Variants in GAS2L3 observed in about 807,000 individuals in gnomAD.
GAS2L3 encodes growth arrest specific 2 like 3, also known as GAS2-like protein 3.
Under a neutral mutation model 37.0 loss-of-function variants are expected in GAS2L3, and 28 were observed. The observed-to-expected ratio is 0.76, with a 90% CI of 0.56 to 1.04. The LOEUF is 1.04. Ranked by LOEUF, GAS2L3 falls within the 50% of genes least tolerant of loss-of-function variation. GAS2L3 has a pLI of 0.00. For missense variants in GAS2L3, 793 were observed against 817.6 expected (o/e 0.97, Z 0.37); for synonymous variants, 290 against 296.6 (o/e 0.98, Z 0.23).
intron 6 of GAS2L3, among the ~76,000 whole-genome samples, chr12:100,614,860 A>G (rs1956167890): frequency 6.6e-6 from 1 of 152,158 alleles, no homozygotes; most frequent in African/African-American, 2.4e-5. Flanking sequence ...ATTCCTTTTT[A>G]TGGTAGACTA....
At chr12:100,600,841 G>A (rs1302984165) in intron 4 of GAS2L3, among the ~76,000 whole-genome samples, 2 of 152,000 alleles carry the variant, frequency 1.3e-5, no homozygotes, top group Non-Finnish European at 2.9e-5. Context: ...TTTAAAAATT[G>A]TATTGGTCTA....
At chr12:100,622,768 A>AAAAG (rs1956274287) in intron 9 of GAS2L3, among the ~76,000 whole-genome samples, 1 of 147,130 alleles carries the variant, frequency 6.8e-6, no homozygotes, top group East Asian at 2.0e-4. Context: ...AAAAAAAAAA[A>AAAAG]AAAAAAAAAA....
intron 1 of GAS2L3, among the ~76,000 whole-genome samples, chr12:100,574,802 C>T (rs1955615039): frequency 1.3e-5 from 2 of 152,196 alleles, no homozygotes; most frequent in Admixed American, 1.3e-4. Flanking sequence ...ATTCTCACCA[C>T]CTCAGATTCC....
intron 1 of GAS2L3, among the ~76,000 whole-genome samples, chr12:100,590,917 T>A (rs547346383): frequency 1.3e-5 from 2 of 150,732 alleles, no homozygotes; most frequent in East Asian, 3.9e-4. Flanking sequence ...GCAATGGACT[T>A]TGGGGACTTG....
chr12:100,590,827 AG>A (rs1955837437), intron 1 of GAS2L3, among the ~76,000 whole-genome samples: 1 of 152,212 alleles, frequency 6.6e-6, no homozygotes, highest in South Asian at 2.1e-4. Flanking sequence ...GAAGTAACTC[AG>A]GAATGGAAAA....
intron 8 of GAS2L3, among the ~76,000 whole-genome samples, chr12:100,620,488 T>C (rs776595959): frequency 6.6e-6 from 1 of 151,982 alleles, no homozygotes; most frequent in African/African-American, 2.4e-5. Flanking sequence ...TTGTTCTGAT[T>C]GTGGGTTAGT....
In GAS2L3 at chr12:100,593,274, C is replaced by T. The variant is rs145573522; in HGVS notation, c.-31+1418C>T. Among the ~76,000 whole-genome samples, 70 of 152,160 alleles carry T rather than the reference C, an allele frequency of 4.6e-4. No individual in the cohort carries two copies. The East Asian group carries it at 0.012, about 26-fold the overall frequency. The stretch of plus-strand genomic sequence containing the variant: ...CATGTATGAAGATACATAATAACTT[C>T]TCTGCATACTATTTTTTAAAGAATT... On this transcript the variant is annotated intron_variant, in intron 2 of 9. Transcript: ENST00000547754.
intron 3 of GAS2L3, among the ~76,000 whole-genome samples, chr12:100,596,037 T>C (rs1955907636): frequency 6.6e-6 from 1 of 151,968 alleles, no homozygotes; most frequent in South Asian, 2.1e-4. Context: ...AGAACAGCCC[T>C]GCATGTGACC....
chr12:100,600,316 T>C (rs1372383467), intron 3 of GAS2L3, 66 bp from the exon 4 acceptor site: 2 of 960,446 alleles, frequency 2.1e-6, no homozygotes, highest in African/African-American at 3.3e-5. Context: ...TAAATATTGA[T>C]GTGGATTATG....
rs73381914 is a variant in GAS2L3, at chr12:100,580,032, T to C, written c.-152+6247T>C. 3.4e-3 allele frequency: 4,886 copies of C among 1,434,672 alleles called. 156 individuals are homozygous for C. The African/African-American group carries it at 0.061, about 18-fold the overall frequency. 88.9% of individuals were successfully genotyped at this position (1,434,672 alleles called of 1,614,324 possible). On this transcript the variant is annotated intron_variant, in intron 1 of 9. Transcript: ENST00000547754. ...AGTAACAGGCTACATCTTTGCTTTGTTGGCTGTTTTCAACTTCCTCTTCCT... is the reference window on the plus strand; with the variant it reads ...AGTAACAGGCTACATCTTTGCTTTGCTGGCTGTTTTCAACTTCCTCTTCCT...
chr12:100,588,550 G>A (rs1406681910), intron 1 of GAS2L3, among the ~76,000 whole-genome samples: 6 of 152,162 alleles, frequency 3.9e-5, no homozygotes, highest in Admixed American at 3.9e-4. Context: ...AGCAGTGCAG[G>A]TATTGTCTTG....
chr12:100,590,156 T>G (rs1955828283), intron 1 of GAS2L3, among the ~76,000 whole-genome samples: 1 of 152,120 alleles, frequency 6.6e-6, no homozygotes, highest in Admixed American at 6.5e-5. Flanking sequence ...AAAATTTTCA[T>G]AAGCTATACA....
At chr12:100,592,382 C>T (rs1021191561) in intron 2 of GAS2L3, 8 of 152,042 alleles carry the variant, frequency 5.3e-5, no homozygotes, top group Admixed American at 2.0e-4. Flanking sequence ...AGATTTGTAA[C>T]AGATGGAGCC....
chr12:100,578,035 C>T (rs903771919), intron 1 of GAS2L3, among the ~76,000 whole-genome samples: 1 of 152,126 alleles, frequency 6.6e-6, no homozygotes, highest in East Asian at 1.9e-4. Context: ...ATAAGCAGGG[C>T]AGTAGTAAAA....
rs770925403 is a variant in GAS2L3, at chr12:100,617,826, T to G, written c.509+19T>G. On this transcript the variant is annotated intron_variant, in intron 7 of 9. Transcript: ENST00000547754. ...TGTCAAGGTATGTATTCCACAATAT[T>G]TCAGAATTTCAATGTTATAAACATT... 1.4e-6 allele frequency: 2 copies of G among 1,419,052 alleles called. No homozygotes were observed. The highest frequency in any genetic ancestry group is 4.6e-5 in the East Asian group (2 of 43,776). The allele number at this position is 1,419,052 out of a possible 1,614,324, so 87.9% of individuals were successfully genotyped here. A position where few individuals can be genotyped will look rare whatever the true frequency, so the allele number is the denominator to read the frequency against.
chr12:100,583,731 A>C (rs759409730), intron 1 of GAS2L3, among the ~76,000 whole-genome samples: 2 of 151,994 alleles, frequency 1.3e-5, no homozygotes, highest in Non-Finnish European at 2.9e-5. Flanking sequence ...GGCCTCTCAA[A>C]GTGCTGGGAT....
chr12:100,610,817 G>A (rs1956118026), intron 5 of GAS2L3, among the ~76,000 whole-genome samples: 1 of 151,988 alleles, frequency 6.6e-6, no homozygotes, highest in East Asian at 1.9e-4. Flanking sequence ...TACTCTTGGA[G>A]CAGATAGTAA....
rs551324026 is a variant in GAS2L3, at chr12:100,585,859, C to T, written c.-151-5877C>T. Among the ~76,000 whole-genome samples, 19 of 152,304 alleles carry T rather than the reference C, an allele frequency of 1.2e-4. 1 individual carries two copies. In the South Asian group the frequency reaches 3.9e-3, roughly 32 times the overall value. On this transcript the variant is annotated intron_variant, in intron 1 of 9. Transcript: ENST00000547754. The stretch of plus-strand genomic sequence containing the variant: ...GTGGACTCTTCCCTCTTCCACACTA[C>T]TCTCCCATCTCATTTCTTATACAGT...
intron 6 of GAS2L3, among the ~76,000 whole-genome samples, chr12:100,615,820 A>T (rs1956180422): frequency 6.6e-6 from 1 of 152,150 alleles, no homozygotes; most frequent in Admixed American, 6.6e-5. Flanking sequence ...TTATTTCTGG[A>T]CACTCATTTC....
Sources: allele counts gnomAD v4.1 joint callset (sites outside exome capture counted in the v4.1 genomes callset), GRCh38; gene constraint gnomAD v4.1.1; transcripts MANE v1.5; gene names NCBI Gene and HGNC (gene_info 2026-07-23, HGNC 2026-07-21).